CLIC4: variants seen among roughly 807,000 people sequenced by gnomAD.
CLIC4 encodes the protein chloride intracellular channel protein 4.
CLIC4 carries 13 observed loss-of-function variants against 24.6 expected under a neutral mutation model. The ratio of observed to expected loss-of-function variants is 0.53; its 90% CI spans 0.34 to 0.84. The LOEUF (loss-of-function observed/expected upper bound fraction) is 0.84, where lower values mean the gene tolerates loss of function less well. Ranked by LOEUF, CLIC4 falls within the 40% of genes least tolerant of loss-of-function variation. The pLI is 0.01. For synonymous variants in CLIC4, 104 were observed against 111.3 expected (o/e 0.93, Z 0.41); for missense variants, 227 against 301.7 (o/e 0.75, Z 1.83).
intron 1 of CLIC4, chr1:24,778,110 G>A (rs1016473246): frequency 6.6e-6 from 1 of 152,212 alleles, no homozygotes; most frequent in Non-Finnish European, 1.5e-5. Flanking sequence ...TGGTGGTTCT[G>A]TAAGAATCTT....
At chr1:24,826,262 CATAA>C (rs1639786233) in intron 3 of CLIC4, among the ~76,000 whole-genome samples, 1 of 152,170 alleles carries the variant, frequency 6.6e-6, no homozygotes, top group South Asian at 2.1e-4. Context: ...GTGCTACCCT[CATAA>C]ATATTCTAGG....
chr1:24,776,373 T>A (rs1260066453), intron 1 of CLIC4, among the ~76,000 whole-genome samples: 2 of 152,168 alleles, frequency 1.3e-5, no homozygotes, highest in African/African-American at 4.8e-5. Flanking sequence ...AAGTGCCAAC[T>A]CCCCTCCAAT....
chr1:24,838,291 A>G (rs2124177927), intron 4 of CLIC4, among the ~76,000 whole-genome samples: 1 of 152,252 alleles, frequency 6.6e-6, no homozygotes, highest in South Asian at 2.1e-4. Flanking sequence ...GGAGGGGCTC[A>G]ATTATATTTT....
chr1:24,773,117 G>T (rs1456427921), intron 1 of CLIC4, among the ~76,000 whole-genome samples: 1 of 151,962 alleles, frequency 6.6e-6, no homozygotes, highest in African/African-American at 2.4e-5. Context: ...TTTTCCTTTT[G>T]TTTACTTAAA....
intron 5 of CLIC4, among the ~76,000 whole-genome samples, chr1:24,840,493 G>A (rs1639931650): frequency 6.6e-6 from 1 of 152,188 alleles, no homozygotes; most frequent in South Asian, 2.1e-4. Flanking sequence ...AATAGCATAT[G>A]TGTGTTGTGA....
intron 1 of CLIC4, among the ~76,000 whole-genome samples, chr1:24,782,269 C>G (rs1206882579): frequency 6.6e-6 from 1 of 152,172 alleles, no homozygotes; most frequent in African/African-American, 2.4e-5. Flanking sequence ...GTTTATGTCA[C>G]TTTTGAGAAA....
intron 1 of CLIC4, among the ~76,000 whole-genome samples, chr1:24,781,693 A>G (rs1366677538): frequency 6.7e-6 from 1 of 149,932 alleles, no homozygotes; most frequent in African/African-American, 2.5e-5. Flanking sequence ...TTAAAGACGG[A>G]GTCTCGCACT....
At chr1:24,765,842 C>A (rs931746663) in intron 1 of CLIC4, among the ~76,000 whole-genome samples, 31 of 133,208 alleles carry the variant, frequency 2.3e-4, no homozygotes, top group African/African-American at 8.0e-4. Flanking sequence ...GACAGAGTCT[C>A]GCTCTGTGAC....
At chr1:24,835,563 T>TATAA (rs1036249219) in intron 4 of CLIC4, among the ~76,000 whole-genome samples, 23 of 152,068 alleles carry the variant, frequency 1.5e-4, no homozygotes, top group African/African-American at 2.4e-4. Context: ...AGAATCTGTC[T>TATAA]ATAAATAAAT....
At chr1:24,751,757 G>A (rs1033324245) in intron 1 of CLIC4, among the ~76,000 whole-genome samples, 6 of 152,168 alleles carry the variant, frequency 3.9e-5, no homozygotes, top group Non-Finnish European at 7.3e-5. Flanking sequence ...CCGGCTACTC[G>A]GGAGTCTGAG....
intron 1 of CLIC4, among the ~76,000 whole-genome samples, chr1:24,767,853 AT>A (rs911290136): frequency 2.7e-5 from 4 of 150,204 alleles, no homozygotes; most frequent in African/African-American, 4.9e-5. Flanking sequence ...ATATATATAT[AT>A]TTTTTTTGGC....
intron 1 of CLIC4, among the ~76,000 whole-genome samples, chr1:24,790,328 T>C (rs1226243593): frequency 6.6e-6 from 1 of 152,232 alleles, no homozygotes; most frequent in African/African-American, 2.4e-5. Context: ...TGCCTTGGCC[T>C]CCCAAAGTGC....
chr1:24,762,159 T>C (rs1260799110), intron 1 of CLIC4, among the ~76,000 whole-genome samples: 1 of 152,200 alleles, frequency 6.6e-6, no homozygotes, highest in Non-Finnish European at 1.5e-5. Flanking sequence ...AGCTCACACC[T>C]ATAATCCCAG....
At chr1:24,779,807 CT>C (rs1205335439) in intron 1 of CLIC4, among the ~76,000 whole-genome samples, 1 of 152,214 alleles carries the variant, frequency 6.6e-6, no homozygotes, top group Admixed American at 6.5e-5. Context: ...TTAATCTACA[CT>C]TTTCTTTCCA....
intron 1 of CLIC4, among the ~76,000 whole-genome samples, chr1:24,768,039 C>G (rs1639025115): frequency 2.0e-5 from 3 of 152,010 alleles, no homozygotes; most frequent in Non-Finnish European, 4.4e-5. Context: ...CGGGATTTCT[C>G]CATGTTGGTC....
intron 3 of CLIC4, among the ~76,000 whole-genome samples, chr1:24,815,665 A>C (rs1177765251): frequency 6.6e-6 from 1 of 152,208 alleles, no homozygotes; most frequent in Middle Eastern, 3.2e-3. Context: ...GTAAGATAAC[A>C]ATGAATTTTT....
chr1:24,799,489 C>G (rs1639449046), intron 2 of CLIC4, among the ~76,000 whole-genome samples: 1 of 150,166 alleles, frequency 6.7e-6, no homozygotes, highest in South Asian at 2.1e-4. Context: ...GCCTCTCCAC[C>G]CGGCAGCCAC....
chr1:24,839,871 G>T lies in CLIC4; in HGVS notation c.427G>T (p.Gly143Cys). 1 of 1,611,284 alleles carries T rather than the reference G, an allele frequency of 6.2e-7. No individual in the cohort carries two copies. Among genetic ancestry groups the T allele is most frequent in the South Asian group, 1.1e-5 (1 of 90,894 alleles). ...RPEANEALERGLLKTLQKLDE... is the reference protein window; with the variant it reads ...RPEANEALERCLLKTLQKLDE... ...TTTTCCCCCCCAAGCACTGGAGAGG[G>T]GTCTCCTGAAAACCCTGCAGAAACT... The change falls in exon 5 of 6, where the codon GGT becomes TGT. Residue 143 changes from glycine to cysteine, a missense_variant. By Grantham distance (159) the Gly-to-Cys change is radical (BLOSUM62 -3). Coordinates refer to ENST00000374379, the MANE Select transcript of CLIC4 (RefSeq NM_013943.3).
intron 2 of CLIC4, among the ~76,000 whole-genome samples, chr1:24,810,839 A>C (rs1056622562): frequency 6.6e-6 from 1 of 152,064 alleles, no homozygotes; most frequent in Non-Finnish European, 1.5e-5. Context: ...TAATCCCAGC[A>C]CTTTGGGAGG....
Sources: allele counts gnomAD v4.1 joint callset (sites outside exome capture counted in the v4.1 genomes callset), GRCh38; gene constraint gnomAD v4.1.1; transcripts MANE v1.5; gene names NCBI Gene and HGNC (gene_info 2026-07-23, HGNC 2026-07-21).